EML4: variants seen among roughly 807,000 people sequenced by gnomAD.
EML4 encodes the protein echinoderm microtubule-associated protein-like 4.
In EML4, 72 loss-of-function variants were observed where a neutral mutation model predicts 129.0. The observed-to-expected ratio is 0.56, with a 90% confidence interval of 0.46 to 0.68. The LOEUF is 0.68. EML4 is among the 30% of genes least tolerant of loss of function. The pLI is 0.00. For synonymous variants in EML4, 532 were observed against 405.0 expected (o/e 1.31, Z -3.77); for missense variants, 1,363 against 1,190.6 (o/e 1.14, Z -2.13).
intron 1 of EML4, among the ~76,000 whole-genome samples, chr2:42,199,810 G>A (rs1335141411): frequency 2.0e-5 from 3 of 152,168 alleles, no homozygotes. Context: ...GAAATCCGAG[G>A]CCATAAGTTA....
At chr2:42,215,359 C>T (rs1381736996) in intron 1 of EML4, among the ~76,000 whole-genome samples, 1 of 152,090 alleles carries the variant, frequency 6.6e-6, no homozygotes, top group East Asian at 1.9e-4. Context: ...AGCCATAAAA[C>T]CACTTTTTAA....
intron 6 of EML4, among the ~76,000 whole-genome samples, chr2:42,278,006 A>G (rs1167604430): frequency 6.6e-6 from 1 of 152,212 alleles, no homozygotes; most frequent in African/African-American, 2.4e-5. Context: ...TTAAGTCATT[A>G]TTAGAGATCC....
At chr2:42,188,545 T>C (rs1671398645) in intron 1 of EML4, among the ~76,000 whole-genome samples, 1 of 139,910 alleles carries the variant, frequency 7.1e-6, no homozygotes, top group Non-Finnish European at 1.6e-5. Context: ...GGGTTTACTT[T>C]TAAAATTACT....
At chr2:42,237,352 A>C (rs924104631) in intron 1 of EML4, among the ~76,000 whole-genome samples, 1 of 152,156 alleles carries the variant, frequency 6.6e-6, no homozygotes, top group African/African-American at 2.4e-5. Context: ...ATTGTAGTTA[A>C]GTATCAGTAT....
At chr2:42,183,989 G>T (rs1041115380) in intron 1 of EML4, among the ~76,000 whole-genome samples, 1 of 151,994 alleles carries the variant, frequency 6.6e-6, no homozygotes, top group Admixed American at 6.6e-5. Flanking sequence ...CTTTCTTTCC[G>T]GACTTTAACA....
chr2:42,280,833 G>C lies in EML4; in HGVS notation c.668-17G>C, dbSNP rs1310360331. ...AGAAAATACGTATGACTTAACTTTTGTCTTGTGTTTCAACAGAAGGAGAAT... is the reference window on the plus strand; with the variant it reads ...AGAAAATACGTATGACTTAACTTTTCTCTTGTGTTTCAACAGAAGGAGAAT... On this transcript the variant is annotated splice_polypyrimidine_tract_variant and intron_variant, in intron 6 of 22. Transcript: ENST00000318522. 6 of 1,593,338 alleles carry C rather than the reference G, an allele frequency of 3.8e-6. No homozygotes were observed. The African/African-American group carries it at 5.4e-5, about 14-fold the overall frequency.
chr2:42,280,950 T>C lies in EML4; in HGVS notation c.768T>C (p.Pro256=). 1 of 1,607,842 alleles carries C rather than the reference T, an allele frequency of 6.2e-7. No homozygotes were observed. The highest frequency in any genetic ancestry group is 1.7e-5 in the Admixed American group (1 of 58,308). Residue 256 remains proline (P), a synonymous_variant, in exon 7 of 23, where the codon CCT becomes CCC. Transcript: ENST00000318522. ...NYDDIRTELP[P]EKLKLEWAYG... ...ATGACATCAGAACGGAACTGCCTCC[T>C]GAGAAGCTCAAACTGGAGTGGGCGT...
chr2:42,175,282 T>G (rs1161460526), intron 1 of EML4, among the ~76,000 whole-genome samples: 1 of 151,224 alleles, frequency 6.6e-6, no homozygotes, highest in African/African-American at 2.4e-5. Flanking sequence ...CCTGGCTAAT[T>G]TTTTGTATTT....
At chr2:42,174,716 A>G (rs1397356050) in intron 1 of EML4, among the ~76,000 whole-genome samples, 1 of 152,206 alleles carries the variant, frequency 6.6e-6, no homozygotes, top group Non-Finnish European at 1.5e-5. Flanking sequence ...TTCCTTATTT[A>G]CAGTTTACAA....
At chr2:42,293,409 A>AT (rs1667765947) in intron 11 of EML4, among the ~76,000 whole-genome samples, 1 of 152,130 alleles carries the variant, frequency 6.6e-6, no homozygotes, top group Non-Finnish European at 1.5e-5. Flanking sequence ...CCTAGATTAG[A>AT]TTTTATTAGT....
chr2:42,205,984 T>A (rs2103991419), intron 1 of EML4, among the ~76,000 whole-genome samples: 1 of 152,320 alleles, frequency 6.6e-6, no homozygotes, highest in Admixed American at 6.5e-5. Context: ...AGGACCACTC[T>A]TGCTAATCAT....
At chr2:42,302,776 C>G (rs1274071790) in intron 14 of EML4, among the ~76,000 whole-genome samples, 1 of 152,148 alleles carries the variant, frequency 6.6e-6, no homozygotes, top group Non-Finnish European at 1.5e-5. Flanking sequence ...TCAGGTGATC[C>G]ACCCGCATTG....
intron 2 of EML4, among the ~76,000 whole-genome samples, chr2:42,253,526 T>C (rs1675921829): frequency 6.6e-6 from 1 of 152,206 alleles, no homozygotes; most frequent in African/African-American, 2.4e-5. Context: ...TGGCACAGTG[T>C]AGCGATGCCA....
chr2:42,276,685 T>C (rs1383203729), intron 6 of EML4, among the ~76,000 whole-genome samples: 4 of 152,246 alleles, frequency 2.6e-5, no homozygotes, highest in East Asian at 1.9e-4. Context: ...TAATCACTTA[T>C]AATTCCAAAC....
chr2:42,250,273 C>T (rs57655871), intron 2 of EML4, among the ~76,000 whole-genome samples: 5 of 152,162 alleles, frequency 3.3e-5, no homozygotes, highest in African/African-American at 1.2e-4. Context: ...GGGGTCAGTT[C>T]TCCAAAAGAA....
At chr2:42,247,486 A>G (rs567447425) in intron 2 of EML4, among the ~76,000 whole-genome samples, 4 of 152,048 alleles carry the variant, frequency 2.6e-5, no homozygotes, top group Non-Finnish European at 5.9e-5. Context: ...GGCCTCATGT[A>G]CTCTGGGTCT....
intron 9 of EML4, among the ~76,000 whole-genome samples, chr2:42,285,090 A>AATTAATTC (rs35105121): frequency 6.6e-6 from 1 of 151,698 alleles, no homozygotes; most frequent in South Asian, 2.1e-4. Context: ...TTAATTAATT[A>AATTAATTC]TAGGGGTGGA....
Position 42,331,168 on chromosome 2 carries a change from A to G in EML4, c.*961A>G, listed in dbSNP as rs1670082363. 2.3e-5 allele frequency: 5 copies of G among 219,356 alleles called. No individual in the cohort carries two copies. In the East Asian group the frequency reaches 2.7e-4, roughly 12 times the overall value. The allele number at this position is 219,356 out of a possible 1,614,324, so 13.6% of individuals were successfully genotyped here. ...TTAGATTATTGAATTGGTGCTTGAA[A>G]TTTATTGGTTTTGTTGTAATTTTAT... is the stretch of plus-strand genomic sequence containing the variant. On this transcript the variant is annotated 3_prime_UTR_variant, in exon 23 of 23. Transcript: ENST00000318522.
intron 2 of EML4, among the ~76,000 whole-genome samples, chr2:42,254,679 C>T (rs2104348701): frequency 6.6e-6 from 1 of 151,570 alleles, no homozygotes; most frequent in Non-Finnish European, 1.5e-5. Context: ...ACATTGGAAT[C>T]CTCATACATT....
Sources: gnomAD v4.1 joint callset for allele counts (sites outside exome capture counted in the v4.1 genomes callset) on GRCh38, gnomAD v4.1.1 for gene constraint, MANE v1.5 for transcripts, NCBI Gene and HGNC (gene_info 2026-07-23, HGNC 2026-07-21) for gene names.